DVL1: variants seen among roughly 807,000 people sequenced by gnomAD.
DVL1 encodes the protein segment polarity protein dishevelled homolog DVL-1.
DVL1 carries 49 observed loss-of-function variants against 65.0 expected under a neutral mutation model. The ratio of observed to expected loss-of-function variants is 0.75; its 90% CI spans 0.60 to 0.96. The LOEUF (loss-of-function observed/expected upper bound fraction) is 0.96, where lower values mean the gene tolerates loss of function less well. Among genes scored for constraint, DVL1 ranks in the 40% least tolerant of loss-of-function variants. The probability of loss-of-function intolerance (pLI) is 0.00; values close to 1 mark genes in which losing one functional copy is unlikely to be tolerated. For missense variants in DVL1, 1,197 were observed against 1,045.4 expected (o/e 1.15, Z -2.00); for synonymous variants, 608 against 433.9 (o/e 1.40, Z -4.99).
At chr1:1,348,532 C>A (rs1164015651) in intron 1 of DVL1, among the ~76,000 whole-genome samples, 1 of 152,216 alleles carries the variant, frequency 6.6e-6, no homozygotes, top group African/African-American at 2.4e-5. Context: ...GGGAACCCCA[C>A]CCTGCTTCCT....
intron 11 of DVL1, 123 bp downstream of exon 11, chr1:1,339,164 G>C: frequency 7.6e-7 from 1 of 1,321,706 alleles, no homozygotes; most frequent in South Asian, 1.4e-5. Flanking sequence ...GCAGGGAGTT[G>C]GGGACAGGCA....
At chr1:1,340,571 CA>C in intron 5 of DVL1, 68 bp from the exon 6 acceptor site, 1 of 1,491,536 alleles carries the variant, frequency 6.7e-7, no homozygotes, top group Non-Finnish European at 9.1e-7. Flanking sequence ...CCCGCTCCCC[CA>C]ATACTGAGTG....
At position 1,338,167 on chromosome 1, in the gene DVL1, G is replaced by A. The variant is rs1178339551; in HGVS notation, c.1524C>T (p.Asn508=). ...AAGTCCCACTGGAGCCACTGTTGAG[G>A]TTCAGGGTGGCGAGATCTGGCGGGG... The part of the protein sequence containing the change: ...GDLCSNLATL[N]LNSGSSGTSD... Residue 508 remains asparagine, a synonymous_variant, in exon 14 of 15, where the codon AAC becomes AAT. Transcript: ENST00000378888. 3 of 1,607,286 alleles carry A rather than the reference G, an allele frequency of 1.9e-6. No homozygotes were observed. The highest frequency in any genetic ancestry group is 1.7e-5 in the Admixed American group (1 of 59,610).
In DVL1 at chr1:1,341,414, C is replaced by T. The variant is rs376204339; in HGVS notation, c.605+253G>A. 5.9e-5 allele frequency among the ~76,000 whole-genome samples: 9 copies of T among 152,208 alleles called. No homozygotes were observed. The East Asian group carries it at 9.6e-4, about 16-fold the overall frequency. ...ACACAGACACACATGCACAAGCAGA[C>T]ACGTGCATCATGTACACGTTTGCAC... On this transcript the variant is annotated intron_variant, in intron 5 of 14. Transcript: ENST00000378888.
rs761979060 is a variant in DVL1, at chr1:1,336,269, A to C, written c.1961T>G (p.Val654Gly). 1 of 1,563,380 alleles carries C rather than the reference A, an allele frequency of 6.4e-7. No homozygotes were observed. The highest frequency in any genetic ancestry group is 1.3e-5 in the African/African-American group (1 of 74,418). ...AGGGGGTCCCCCGGGTGGCCCCCCCACCACTGTATAGGCCTTGGTCGTGGG... is the reference window on the plus strand; with the variant it reads ...AGGGGGTCCCCCGGGTGGCCCCCCCCCCACTGTATAGGCCTTGGTCGTGGG... ...PHPTTKAYTV[V>G]GGPPGGPPVR... The change falls in exon 15 of 15, where the codon GTG (valine) becomes GGG (glycine). Residue 654 changes from valine to glycine, a missense_variant. Physicochemically the swap from Val to Gly is moderately radical, Grantham distance 109 (BLOSUM62 -3). Transcript: ENST00000378888.
rs751266969 is a variant in DVL1 at position 1,338,664 on chromosome 1, C to G, written c.1208-11G>C. 1.6e-5 allele frequency: 25 copies of G among 1,606,056 alleles called. No homozygotes were observed. Among genetic ancestry groups the G allele is most frequent in the Non-Finnish European group, 8.5e-7 (1 of 1,178,454 alleles). Reference sequence around the variant, plus strand: ...GCGCCTCTTCCAGCTCTGCAAAGCACAGACAGCCCCGCTTCAGCCCCAGCA... The same window carrying G: ...GCGCCTCTTCCAGCTCTGCAAAGCAGAGACAGCCCCGCTTCAGCCCCAGCA... On this transcript the variant is annotated splice_polypyrimidine_tract_variant and intron_variant, in intron 11 of 14. Transcript: ENST00000378888.
At chr1:1,348,167 T>C (rs1643948550) in intron 1 of DVL1, among the ~76,000 whole-genome samples, 1 of 152,168 alleles carries the variant, frequency 6.6e-6, no homozygotes, top group African/African-American at 2.4e-5. Flanking sequence ...GCCAGGCTCC[T>C]GCTCCCTGTC....
At chr1:1,341,577 G>C (rs1322604291) in intron 5 of DVL1, 90 bp downstream of exon 5, 41 of 1,446,736 alleles carry the variant, frequency 2.8e-5, no homozygotes, top group Non-Finnish European at 3.7e-5. Flanking sequence ...CGTGCAATGT[G>C]AAAACACCTC....
At chr1:1,345,955 T>C (rs1643909142) in intron 1 of DVL1, among the ~76,000 whole-genome samples, 1 of 152,134 alleles carries the variant, frequency 6.6e-6, no homozygotes, top group African/African-American at 2.4e-5. Flanking sequence ...TGCCGAGTCC[T>C]GGGATCTCTC....
intron 8 of DVL1, 45 bp downstream of exon 8, chr1:1,339,992 GA>G: frequency 6.3e-7 from 1 of 1,584,836 alleles, no homozygotes; most frequent in Non-Finnish European, 8.6e-7. Flanking sequence ...AGTCCCCACG[GA>G]CCCACCCGCA....
At position 1,338,504 on chromosome 1, in the gene DVL1, G is replaced by A. The variant is rs773679400; in HGVS notation, c.1339+18C>T. ...GCCCTGCCCCTGGCACTATCCGCCC[G>A]CGGGGACGGCCACTCACCGATGACG... is the stretch of plus-strand genomic sequence containing the variant. On this transcript the variant is annotated intron_variant, in intron 12 of 14. Coordinates refer to ENST00000378888, the MANE Select transcript of DVL1 (RefSeq NM_001330311.2). 27 of 1,611,696 alleles carry A rather than the reference G, an allele frequency of 1.7e-5. No individual in the cohort carries two copies. The East Asian group carries it at 2.7e-4, about 16-fold the overall frequency.
chr1:1,347,785 G>A (rs779945496), intron 1 of DVL1, among the ~76,000 whole-genome samples: 8 of 152,106 alleles, frequency 5.3e-5, no homozygotes, highest in Non-Finnish European at 1.0e-4. Flanking sequence ...CAGGAGGGCC[G>A]CTGAGCCGAG....
At chr1:1,341,612 C>T (rs1261934151) in intron 5 of DVL1, 55 bp downstream of exon 5, 138 of 1,555,946 alleles carry the variant, frequency 8.9e-5, no homozygotes, top group Middle Eastern at 1.7e-4. Context: ...ACATCATGTA[C>T]AGACATTTGC....
At chr1:1,344,902 G>A (rs1643894831) in intron 1 of DVL1, among the ~76,000 whole-genome samples, 1 of 152,126 alleles carries the variant, frequency 6.6e-6, no homozygotes, top group Admixed American at 6.5e-5. Context: ...GGCCCCAGGT[G>A]GCCTGGCCGG....
Position 1,339,315 on chromosome 1 carries a change from T to G in DVL1, c.1179A>C (p.Ser393=). The change falls in exon 11 of 15, where the codon TCA becomes TCC. Residue 393 remains serine, a synonymous_variant. Coordinates refer to ENST00000378888, the MANE Select transcript of DVL1 (RefSeq NM_001330311.2). ...SSAVTRTSSS[S]LTSSVPGAPQ... is the part of the protein sequence containing the mutation. ...GAGCACCAGGCACGGAGCTGGTTAG[T>G]GAGGAGGAGCTGGTGCGCGTGACGG... 6.5e-7 allele frequency: 1 copy of G among 1,548,428 alleles called. No homozygotes were observed. The highest frequency in any genetic ancestry group is 8.7e-7 in the Non-Finnish European group (1 of 1,146,848).
At position 1,346,010 on chromosome 1, in the gene DVL1, G is replaced by A. The variant is rs1643909848; in HGVS notation, c.170+2886C>T. ...AGGACACACAGGCTCAAGTGTCCCT[G>A]CTAGGCCATGGCTATGAGTGCAGTA... is the stretch of plus-strand genomic sequence containing the variant. On this transcript the variant is annotated intron_variant, in intron 1 of 14. Transcript: ENST00000378888. Among the ~76,000 whole-genome samples the A allele has an allele frequency of 2.6e-5, 4 of 152,154 alleles. No individual in the cohort carries two copies. In the South Asian group the frequency reaches 8.3e-4, roughly 31 times the overall value.
chr1:1,341,610 TAC>T (rs1435450720), intron 5 of DVL1, 55 bp downstream of exon 5: 23 of 1,552,696 alleles, frequency 1.5e-5, no homozygotes, highest in African/African-American at 1.4e-5. Context: ...GCACATCATG[TAC>T]AGACATTTGC....
intron 11 of DVL1, among the ~76,000 whole-genome samples, chr1:1,338,983 G>A (rs889483931): frequency 6.6e-6 from 1 of 152,210 alleles, no homozygotes. Context: ...CGAGAGCGCA[G>A]GCTGTTAGTC....
In DVL1 at chr1:1,336,753, G is replaced by T. The variant is rs557989613; in HGVS notation, c.1715-238C>A. Among the ~76,000 whole-genome samples the T allele has an allele frequency of 2.0e-5, 3 of 152,168 alleles. No individual in the cohort carries two copies. The South Asian group carries it at 6.2e-4, about 31-fold the overall frequency. On this transcript the variant is annotated intron_variant, in intron 14 of 14. Coordinates refer to ENST00000378888, the MANE Select transcript of DVL1 (RefSeq NM_001330311.2). ...GGCAGGGTCCTGGGGCAAGCTGGGC[G>T]CCCCCACACCTCACCCCGATGCTTG...
Sources: allele counts gnomAD v4.1 joint callset (sites outside exome capture counted in the v4.1 genomes callset), GRCh38; gene constraint gnomAD v4.1.1; transcripts MANE v1.5; gene names NCBI Gene and HGNC (gene_info 2026-07-23, HGNC 2026-07-21).